GRIPAP1: variants seen among roughly 807,000 people sequenced by gnomAD.
GRIPAP1 encodes GRIP1 associated protein 1.
GRIPAP1 carries 14 observed loss-of-function variants against 84.1 expected under a neutral mutation model. That is an observed-to-expected ratio of 0.17 (90% CI 0.11 to 0.26). GRIPAP1 has a LOEUF of 0.26. GRIPAP1 is among the 10% of genes least tolerant of loss of function. The pLI, the probability that GRIPAP1 is intolerant of heterozygous loss-of-function variation, is 1.00. For synonymous variants in GRIPAP1, 261 were observed against 256.8 expected, an observed-to-expected ratio of 1.02 and a Z score of -0.15; for missense variants, 518 against 674.2, an observed-to-expected ratio of 0.77 and a Z score of 2.57.
chrX:48,981,155 G>A, intron 21 of GRIPAP1, 60 bp downstream of exon 21: 2 of 915,752 alleles, frequency 2.2e-6, no homozygotes, highest in Admixed American at 4.9e-5. Context: ...CCTGCAGCCT[G>A]CAGGCCCAGG....
rs782025674 is a variant in GRIPAP1 at position 48,982,982 on chromosome X, G to A, written c.1596C>T (p.Ala532=). The A allele has an allele frequency of 3.0e-5, 35 of 1,179,480 alleles. No individual in the cohort carries two copies. In the East Asian group the frequency reaches 6.2e-4, roughly 21 times the overall value. ...KGWFERRLKE[A]EESLQQQQQE... is the part of the protein sequence containing the mutation. ...TCACCAGGCATCACCAACTCACCTC[G>A]GCTTCCTTCAAGCGCCGTTCAAACC... is the stretch of plus-strand genomic sequence containing the variant. Residue 532 remains alanine, a synonymous_variant, in exon 17 of 26, where the codon GCC becomes GCT. Transcript: ENST00000376423.
At position 48,981,908 on chromosome X, in the gene GRIPAP1, C is replaced by A. The variant is rs1261878323; in HGVS notation, c.1600-36G>T. The A allele has an allele frequency of 7.0e-6, 7 of 994,165 alleles. No homozygotes were observed. The Admixed American group carries it at 1.6e-4, about 22-fold the overall frequency. The allele number at this position is 994,165 out of a possible 1,213,427, so 81.9% of individuals were successfully genotyped here. ...AGTCCCAGGTCTGGCCACAGCCCCC[C>A]AGAAGGTATCATGCCCAGTTAGGGG... On this transcript the variant is annotated intron_variant, in intron 17 of 25. Transcript: ENST00000376423.
Position 48,985,405 on chromosome X carries a change from G to A in GRIPAP1, c.1042-3C>T. ...TCTTGGGTCTTTGCTGTTTGGATCT[G>A]GAGAAAGTAGTGGTGATGAGAAGTA... is the stretch of plus-strand genomic sequence containing the variant. On this transcript the variant is annotated splice_polypyrimidine_tract_variant and splice_region_variant and intron_variant, in intron 13 of 25. Transcript: ENST00000376423. The A allele has an allele frequency of 8.3e-7, 1 of 1,208,131 alleles. No homozygotes were observed.
chrX:49,000,364 CAAAAAAAAAAAAAA>C (rs1156902802), intron 1 of GRIPAP1, among the ~76,000 whole-genome samples: 7 of 22,233 alleles, frequency 3.1e-4, no homozygotes, highest in African/African-American at 2.1e-3. Context: ...GACTCTGTCT[CAAAAAAAAAAAAAA>C]AAAAAAAAAA....
chrX:48,981,634 G>A lies in GRIPAP1; in HGVS notation c.1735C>T (p.Arg579Trp). 3.3e-6 allele frequency: 4 copies of A among 1,207,619 alleles called. No homozygotes were observed. The highest frequency in any genetic ancestry group is 4.5e-6 in the Non-Finnish European group (4 of 891,773). ...RDQLEQAQEE[R>W]DCHLKTISSL... is the part of the protein sequence containing the mutation. ...CTAATGGTCTTCAGGTGGCAGTCCC[G>A]CTCCTCCTGGGCCTGCTCGAGCTGA... Residue 579 changes from arginine to tryptophan, a missense_variant, in exon 19 of 26, where the codon CGG becomes TGG. Coordinates refer to ENST00000376423, the MANE Select transcript of GRIPAP1 (RefSeq NM_020137.5).
rs1557066057 is a variant in GRIPAP1 at position 48,993,496 on chromosome X, C to T, written c.389G>A (p.Gly130Glu). The T allele has an allele frequency of 1.7e-6, 2 of 1,190,872 alleles. No individual in the cohort carries two copies. The highest frequency in any genetic ancestry group is 2.3e-4 in the Middle Eastern group (1 of 4,301). The change falls in exon 6 of 26, where the codon GGG becomes GAG. Residue 130 changes from glycine (G) to glutamate (E), a missense_variant. Transcript: ENST00000376423. ...GAAGAGVAQA[G>E]PLVDGELLRL... ...CAGCAGCTCCCCATCCACGAGGGGCCCAGCTTGGGCAACCCCTGCTCCTGC... is the reference window on the plus strand; with the variant it reads ...CAGCAGCTCCCCATCCACGAGGGGCTCAGCTTGGGCAACCCCTGCTCCTGC...
At chrX:49,001,428 C>T (rs1441574861) in intron 1 of GRIPAP1, among the ~76,000 whole-genome samples, 1 of 104,256 alleles carries the variant, frequency 9.6e-6, no homozygotes, top group Non-Finnish European at 2.0e-5. Flanking sequence ...TTCATTGCAT[C>T]TCAGAGTCCC....
At position 49,002,219 on chromosome X, in the gene GRIPAP1, G is replaced by C; in HGVS notation, c.11C>G (p.Ala4Gly). ...CCGCTGAAACTCCTCCTCAGACAGA[G>C]CTTGCGCCATGTTCCTCCCCCCACC... MAQ[A>G]LSEEEFQRMQ... The change falls in exon 1 of 26, where the codon GCT becomes GGT. Residue 4 changes from alanine (A) to glycine (G), a missense_variant. By Grantham distance (60) the Ala-to-Gly change is moderately conservative (BLOSUM62 0). This residue lies in a region of GRIPAP1 where 372 missense variants were observed against 458.1 expected (regional missense o/e 0.81). Coordinates refer to ENST00000376423, the MANE Select transcript of GRIPAP1 (RefSeq NM_020137.5). 8.6e-7 allele frequency: 1 copy of C among 1,165,427 alleles called. No homozygotes were observed. The highest frequency in any genetic ancestry group is 1.2e-6 in the Non-Finnish European group (1 of 859,252).
chrX:48,988,571 A>C, intron 11 of GRIPAP1: 1 of 174,658 alleles, frequency 5.7e-6, no homozygotes, highest in Non-Finnish European at 1.1e-5. Flanking sequence ...GTCAGCACCC[A>C]AGGATGACAG....
At chrX:49,000,061 G>A (rs1426004300) in intron 1 of GRIPAP1, among the ~76,000 whole-genome samples, 1 of 110,170 alleles carries the variant, frequency 9.1e-6, no homozygotes, top group Non-Finnish European at 1.9e-5. Context: ...ATACATCCAG[G>A]CCCCCTTCAA....
Position 48,987,795 on chromosome X carries a change from G to A in GRIPAP1, c.1031C>T (p.Ala344Val). ...ENNALRTSLA[A>V]LEQIQTAKTQ... ...CCAGGTGTTCTTTACCTGCTCCAGGGCAGCCAGGCTAGTCCTCAAGGCATT... is the reference window on the plus strand; with the variant it reads ...CCAGGTGTTCTTTACCTGCTCCAGGACAGCCAGGCTAGTCCTCAAGGCATT... The change falls in exon 13 of 26, where the codon GCC (alanine) becomes GTC (valine). Residue 344 changes from alanine to valine, a missense_variant. Physicochemically the swap from Ala to Val is moderately conservative, Grantham distance 64. Around this residue, in one of 5 missense-constraint regions of GRIPAP1, gnomAD observed 372 missense variants for 458.1 expected, o/e 0.81. Coordinates refer to ENST00000376423, the MANE Select transcript of GRIPAP1 (RefSeq NM_020137.5). 1 of 1,186,382 alleles carries A rather than the reference G, an allele frequency of 8.4e-7. No homozygotes were observed. The highest frequency in any genetic ancestry group is 1.1e-6 in the Non-Finnish European group (1 of 874,661).
At chrX:48,987,646 C>T (rs1557064267) in intron 13 of GRIPAP1, 139 bp downstream of exon 13, 8 of 442,447 alleles carry the variant, frequency 1.8e-5, no homozygotes, top group South Asian at 3.8e-5. Flanking sequence ...GAGGGCTGGA[C>T]GCCAACAGAA....
At chrX:49,001,207 T>C (rs2064577444) in intron 1 of GRIPAP1, among the ~76,000 whole-genome samples, 1 of 111,276 alleles carries the variant, frequency 9.0e-6, no homozygotes, top group African/African-American at 3.3e-5. Flanking sequence ...CAGATGACAG[T>C]GGTCTTCCCC....
At chrX:49,000,190 C>T (rs1305499497) in intron 1 of GRIPAP1, among the ~76,000 whole-genome samples, 1 of 107,485 alleles carries the variant, frequency 9.3e-6, no homozygotes, top group African/African-American at 3.4e-5. Context: ...ATGGTGAAAC[C>T]CCGTCTCCAC....
chrX:48,983,158 A>G, intron 16 of GRIPAP1, 66 bp from the exon 17 acceptor site: 1 of 1,126,017 alleles, frequency 8.9e-7, no homozygotes, highest in Admixed American at 2.2e-5. Context: ...CATGCCACCC[A>G]CTGGCCTATC....
At chrX:48,998,379 T>C (rs781955072) in intron 3 of GRIPAP1, among the ~76,000 whole-genome samples, 199 bp from the exon 4 acceptor site, 3 of 112,328 alleles carry the variant, frequency 2.7e-5, no homozygotes. Flanking sequence ...AGTGAGTGAA[T>C]GAATGCAAGT....
chrX:48,983,421 G>A lies in GRIPAP1; in HGVS notation c.1292C>T (p.Ala431Val). The stretch of plus-strand genomic sequence containing the variant: ...TTCCATTGCTAGCTCATCCAGCATG[G>A]CCTTCCGCTTCTCCGCACTCTGGGG... ...EARKSAEKRK[A>V]MLDELAMETL... is the part of the protein sequence containing the mutation. Residue 431 changes from alanine (A) to valine (V), a missense_variant, in exon 16 of 26, where the codon GCC becomes GTC. Physicochemically the swap from Ala to Val is moderately conservative, Grantham distance 64. Around this residue, in one of 5 missense-constraint regions of GRIPAP1, gnomAD observed 372 missense variants for 458.1 expected, o/e 0.81. Coordinates refer to ENST00000376423, the MANE Select transcript of GRIPAP1 (RefSeq NM_020137.5). 1 of 1,209,704 alleles carries A rather than the reference G, an allele frequency of 8.3e-7. No homozygotes were observed. The highest frequency in any genetic ancestry group is 1.1e-6 in the Non-Finnish European group (1 of 893,927).
intron 25 of GRIPAP1, 24 bp from the exon 26 acceptor site, chrX:48,974,309 G>A (rs782574617): frequency 1.9e-6 from 2 of 1,068,288 alleles, no homozygotes; most frequent in East Asian, 3.0e-5. Flanking sequence ...GAACCATCAG[G>A]GGCCAGAGAA....
chrX:49,002,116 C>A, intron 1 of GRIPAP1, 72 bp downstream of exon 1: 2 of 666,827 alleles, frequency 3.0e-6, no homozygotes, highest in Non-Finnish European at 4.8e-6. Context: ...CTTCTCAGAG[C>A]TGATAGCACG....
Sources: gnomAD v4.1 joint callset for allele counts (sites outside exome capture counted in the v4.1 genomes callset) on GRCh38, gnomAD v4.1.1 for gene constraint, gnomAD v4.1.1 regional missense constraint, MANE v1.5 for transcripts, NCBI Gene and HGNC (gene_info 2026-07-23, HGNC 2026-07-21) for gene names.